POPDC1: variants seen among roughly 807,000 people sequenced by gnomAD.
The protein encoded by POPDC1 is popeye domain-containing protein 1.
the POPDC1 span, among the ~76,000 whole-genome samples, chr6:105,128,588 C>T: frequency 6.6e-6 from 1 of 152,172 alleles, no homozygotes; most frequent in Admixed American, 6.5e-5. Context: ...TAAAACAACA[C>T]AGACTGACTC....
At chr6:105,109,755 C>A in the POPDC1 span, among the ~76,000 whole-genome samples, 1 of 5,440 alleles carries the variant, frequency 1.8e-4, no homozygotes, top group African/African-American at 2.5e-4. Flanking sequence ...CAGAGTGAGA[C>A]CCTTTCTCAA....
chr6:105,133,266 C>A, the POPDC1 span: 2 of 1,202,080 alleles, frequency 1.7e-6, no homozygotes, highest in African/African-American at 3.1e-5. Context: ...ATGGGCCTGA[C>A]AAAGAATACT....
chr6:105,136,352 G>T, the POPDC1 span: 1 of 152,232 alleles, frequency 6.6e-6, no homozygotes, highest in Admixed American at 6.5e-5. Flanking sequence ...GCTCTCCCGG[G>T]GCCCTCTGAC....
At chr6:105,131,985 G>A in the POPDC1 span, among the ~76,000 whole-genome samples, 6 of 58,782 alleles carry the variant, frequency 1.0e-4, no homozygotes, top group Non-Finnish European at 1.7e-4. Context: ...TTTTTTTTTT[G>A]AGGCAGAGTC....
At chr6:105,106,726 C>G in the POPDC1 span, among the ~76,000 whole-genome samples, 1 of 152,122 alleles carries the variant, frequency 6.6e-6, no homozygotes, top group Admixed American at 6.5e-5. Context: ...GGAGGGCGGG[C>G]TTGGGCTGCC....
chr6:105,100,548 A>ATGTG, the POPDC1 span: 2 of 17,110 alleles, frequency 1.2e-4, no homozygotes, highest in African/African-American at 2.8e-4. Context: ...GTATGTATAT[A>ATGTG]TATGTATATA....
the POPDC1 span, chr6:105,133,579 T>C: frequency 6.4e-7 from 1 of 1,568,384 alleles, no homozygotes; most frequent in Non-Finnish European, 8.6e-7. Context: ...ATAATTCATT[T>C]TGAAAATTCC....
At chr6:105,129,937 A>G in the POPDC1 span, among the ~76,000 whole-genome samples, 1 of 152,204 alleles carries the variant, frequency 6.6e-6, no homozygotes, top group Non-Finnish European at 1.5e-5. Flanking sequence ...ACTACTGTAA[A>G]TCAAACACAT....
the POPDC1 span, among the ~76,000 whole-genome samples, chr6:105,128,400 T>C: frequency 3.9e-5 from 6 of 152,180 alleles, no homozygotes; most frequent in African/African-American, 1.4e-4. Flanking sequence ...ATGGTCCAAA[T>C]AGAACCTGCT....
the POPDC1 span, chr6:105,098,571 GT>G: frequency 2.6e-4 from 39 of 152,306 alleles, no homozygotes; most frequent in Admixed American, 4.6e-4. Context: ...AGGGAAGGAT[GT>G]TACATCTAAT....
the POPDC1 span, among the ~76,000 whole-genome samples, chr6:105,121,629 T>G: frequency 6.6e-6 from 1 of 152,202 alleles, no homozygotes; most frequent in Admixed American, 6.5e-5. Flanking sequence ...ACAGCAACTC[T>G]GGGCTATAAG....
chr6:105,116,585 C>T, the POPDC1 span: 1 of 772,130 alleles, frequency 1.3e-6, no homozygotes, highest in Non-Finnish European at 2.0e-6. Context: ...TTACAAGTAT[C>T]CCCAGTACAT....
the POPDC1 span, among the ~76,000 whole-genome samples, chr6:105,103,168 T>C: frequency 7.7e-3 from 1,171 of 152,308 alleles, 14 homozygotes; most frequent in Non-Finnish European, 0.013. Context: ...TTTCCTTACC[T>C]GTAAAATAGG....
chr6:105,101,225 T>C, the POPDC1 span: 2 of 1,600,476 alleles, frequency 1.2e-6, no homozygotes, highest in Non-Finnish European at 1.7e-6. Flanking sequence ...TGTGGAAAGA[T>C]ACAGGAGGGA....
chr6:105,100,243 C>CAGG, the POPDC1 span: 1 of 152,188 alleles, frequency 6.6e-6, no homozygotes, highest in Non-Finnish European at 1.5e-5. Flanking sequence ...GGCGCGGTGG[C>CAGG]TCACGCCTGT....
chr6:105,102,484 G>T, the POPDC1 span, among the ~76,000 whole-genome samples: 2 of 152,210 alleles, frequency 1.3e-5, no homozygotes, highest in Non-Finnish European at 2.9e-5. Flanking sequence ...AGCCATGAAC[G>T]AGTGGTCATT....
chr6:105,107,458 G>A, the POPDC1 span, among the ~76,000 whole-genome samples: 1 of 152,220 alleles, frequency 6.6e-6, no homozygotes, highest in African/African-American at 2.4e-5. Flanking sequence ...TAAATCCAGA[G>A]TGAAGGTCAT....
At chr6:105,101,143 A>G in the POPDC1 span, 1 of 1,613,782 alleles carries the variant, frequency 6.2e-7, no homozygotes, top group Non-Finnish European at 8.5e-7. Context: ...CAAAAACGTC[A>G]TCATCATCTT....
the POPDC1 span, among the ~76,000 whole-genome samples, chr6:105,124,360 C>T: frequency 6.0e-5 from 7 of 116,900 alleles, no homozygotes; most frequent in East Asian, 5.5e-4. Context: ...CCAGCCTGGG[C>T]GACAGTGCAA....
Sources: allele counts gnomAD v4.1 joint callset (sites outside exome capture counted in the v4.1 genomes callset), GRCh38; gene constraint gnomAD v4.1.1; transcripts MANE v1.5; gene names NCBI Gene and HGNC (gene_info 2026-07-23, HGNC 2026-07-21).